Variants in RAB30 observed in about 807,000 individuals in gnomAD.
RAB30 encodes the protein ras-related protein Rab-30.
A neutral mutation model predicts 25.1 loss-of-function variants in RAB30; 9 were observed. The ratio of observed to expected loss-of-function variants is 0.36; its 90% CI spans 0.22 to 0.63. RAB30 has a LOEUF of 0.63. Among genes scored for constraint, RAB30 ranks in the 20% least tolerant of loss-of-function variants. The probability of loss-of-function intolerance (pLI) is 0.69; values close to 1 mark genes in which losing one functional copy is unlikely to be tolerated. For synonymous variants in RAB30, 77 were observed against 86.4 expected, an observed-to-expected ratio of 0.89 and a Z score of 0.60; for missense variants, 140 against 243.5, an observed-to-expected ratio of 0.58 and a Z score of 2.83.
intron 1 of RAB30, among the ~76,000 whole-genome samples, chr11:83,051,995 C>T (rs868622992): frequency 6.6e-6 from 1 of 152,144 alleles, no homozygotes; most frequent in Non-Finnish European, 1.5e-5. Context: ...CTTCTGGTAG[C>T]ATTTACAATA....
intron 1 of RAB30, among the ~76,000 whole-genome samples, chr11:83,017,649 A>G (rs1857467863): frequency 6.6e-6 from 1 of 152,100 alleles, no homozygotes; most frequent in Non-Finnish European, 1.5e-5. Context: ...CCATTCCTGA[A>G]TTATTTCACT....
chr11:82,991,863 T>TA (rs1856857706), intron 3 of RAB30, among the ~76,000 whole-genome samples: 1 of 152,222 alleles, frequency 6.6e-6, no homozygotes, highest in Non-Finnish European at 1.5e-5. Context: ...AGTCAGATGT[T>TA]ATAAAAATAT....
At chr11:83,069,767 G>A (rs1487954624) in intron 1 of RAB30, among the ~76,000 whole-genome samples, 1 of 152,232 alleles carries the variant, frequency 6.6e-6, no homozygotes, top group Non-Finnish European at 1.5e-5. Flanking sequence ...AAAGTGGCAT[G>A]AGCCCAACTG....
chr11:83,041,571 G>A (rs1161425791), intron 1 of RAB30: 2 of 171,048 alleles, frequency 1.2e-5, no homozygotes, highest in Admixed American at 6.2e-5. Flanking sequence ...AAAGAGGAAA[G>A]GAACTAGGTC....
At position 82,977,137 on chromosome 11, in the gene RAB30, A is replaced by G. The variant is rs578035936; in HGVS notation, c.*5028T>C. The G allele has an allele frequency of 8.5e-5, 13 of 152,370 alleles. No individual in the cohort carries two copies. In the East Asian group the frequency reaches 2.5e-3, roughly 29 times the overall value. The allele number at this position is 152,370 out of a possible 1,614,324, so 9.4% of individuals were successfully genotyped here. On this transcript the variant is annotated 3_prime_UTR_variant, in exon 5 of 5. Coordinates refer to ENST00000527633, the MANE Select transcript of RAB30 (RefSeq NM_001286060.2). Reference sequence around the variant, plus strand: ...CACCCATTATTTATTAAACAGAGCAAGGCCTATGTTTAGCAAGTGATAAAT... The same window carrying G: ...CACCCATTATTTATTAAACAGAGCAGGGCCTATGTTTAGCAAGTGATAAAT...
chr11:82,978,958 C>T lies in RAB30; in HGVS notation c.*3207G>A, dbSNP rs1247335807. ...CACTTTACTCAGGGAGAGATAAAAA[C>T]GTGAAATGATTAAAAGACCGAGAAA... On this transcript the variant is annotated 3_prime_UTR_variant, in exon 5 of 5. Transcript: ENST00000527633. The T allele has an allele frequency of 2.6e-5, 4 of 151,896 alleles. No individual in the cohort carries two copies. Among genetic ancestry groups the T allele is most frequent in the East Asian group, 3.9e-4 (2 of 5,180 alleles). The allele number at this position is 151,896 out of a possible 1,614,324, so 9.4% of individuals were successfully genotyped here.
At chr11:83,050,924 GCGAGACT>G (rs1858345184) in intron 1 of RAB30, among the ~76,000 whole-genome samples, 1 of 152,288 alleles carries the variant, frequency 6.6e-6, no homozygotes, top group South Asian at 2.1e-4. Flanking sequence ...GGGCAACAAA[GCGAGACT>G]CTGTCTCTTA....
chr11:83,039,678 G>C (rs1280921456), intron 1 of RAB30, among the ~76,000 whole-genome samples: 1 of 152,130 alleles, frequency 6.6e-6, no homozygotes, highest in Non-Finnish European at 1.5e-5. Context: ...TCTTGGGGAA[G>C]TCAAAACTCT....
chr11:83,055,421 A>G (rs1858437514), intron 1 of RAB30, among the ~76,000 whole-genome samples: 1 of 152,226 alleles, frequency 6.6e-6, no homozygotes, highest in Admixed American at 6.5e-5. Context: ...AAGCATGTCT[A>G]TAACTTTGCT....
intron 1 of RAB30, among the ~76,000 whole-genome samples, chr11:83,048,237 T>A (rs1858275790): frequency 6.6e-6 from 1 of 152,070 alleles, no homozygotes; most frequent in African/African-American, 2.4e-5. Context: ...ATCCCAGCAC[T>A]TAGAGGCTGA....
chr11:83,017,053 T>C (rs976961741), intron 1 of RAB30, among the ~76,000 whole-genome samples: 4 of 152,174 alleles, frequency 2.6e-5, no homozygotes, highest in South Asian at 4.1e-4. Flanking sequence ...TAATAAGGTA[T>C]AGAAGCTGGG....
intron 1 of RAB30, among the ~76,000 whole-genome samples, chr11:83,018,483 A>G (rs1857492331): frequency 6.6e-6 from 1 of 152,120 alleles, no homozygotes; most frequent in Admixed American, 6.5e-5. Flanking sequence ...CCATTTGTAT[A>G]TCTTCTTCTG....
At chr11:83,031,367 C>T (rs1857853597) in intron 1 of RAB30, among the ~76,000 whole-genome samples, 1 of 152,164 alleles carries the variant, frequency 6.6e-6, no homozygotes, top group South Asian at 2.1e-4. Flanking sequence ...GAATGTTCTA[C>T]ATTCTAAATT....
At chr11:83,069,413 T>C (rs925566456) in intron 1 of RAB30, among the ~76,000 whole-genome samples, 1 of 152,192 alleles carries the variant, frequency 6.6e-6, no homozygotes, top group Non-Finnish European at 1.5e-5. Context: ...ACTATCACAC[T>C]CTTCCCGTTA....
chr11:82,987,018 A>G (rs917613618), intron 4 of RAB30: 2 of 152,194 alleles, frequency 1.3e-5, no homozygotes, highest in African/African-American at 4.8e-5. Flanking sequence ...GTCCATTTCA[A>G]TGCATATATC....
At chr11:83,004,598 T>TGGGTCAGACTCTGGAGGGTG (rs1195824081) in intron 1 of RAB30, among the ~76,000 whole-genome samples, 1 of 152,182 alleles carries the variant, frequency 6.6e-6, no homozygotes, top group Admixed American at 6.5e-5. Context: ...CTTTAGAATC[T>TGGGTCAGACTCTGGAGGGTG]GGGTCAGACT....
rs562546744 is a variant in RAB30 at position 83,029,375 on chromosome 11, T to A, written c.-8-32051A>T. ...TTAATCTATCCCTTTCCCCCCCTAT[T>A]TTTTTCTTTGCTTAAATATTTTATT... is the stretch of plus-strand genomic sequence containing the variant. On this transcript the variant is annotated intron_variant, in intron 1 of 4. Transcript: ENST00000527633. Among the ~76,000 whole-genome samples the A allele has an allele frequency of 4.0e-3, 612 of 152,082 alleles. 5 individuals are homozygous for A. The highest frequency in any genetic ancestry group is 0.024 in the Middle Eastern group (7 of 294).
intron 1 of RAB30, among the ~76,000 whole-genome samples, chr11:83,024,820 G>A (rs1021030720): frequency 6.6e-6 from 1 of 152,196 alleles, no homozygotes; most frequent in African/African-American, 2.4e-5. Flanking sequence ...GCAATGCACA[G>A]TAACAAGCGT....
At chr11:83,041,987 A>G (rs950175260) in intron 1 of RAB30, among the ~76,000 whole-genome samples, 3 of 150,104 alleles carry the variant, frequency 2.0e-5, no homozygotes, top group Non-Finnish European at 4.4e-5. Context: ...GGTTGCAGTG[A>G]CCACTGCACT....
Sources: allele counts gnomAD v4.1 joint callset (sites outside exome capture counted in the v4.1 genomes callset), GRCh38; gene constraint gnomAD v4.1.1; transcripts MANE v1.5; gene names NCBI Gene and HGNC (gene_info 2026-07-23, HGNC 2026-07-21).